The following ETFA variants were observed in gnomAD, a reference collection of about 807,000 sequenced individuals.
The protein encoded by ETFA is electron transfer flavoprotein subunit alpha, mitochondrial.
In ETFA, 22 loss-of-function variants were observed where a neutral mutation model predicts 46.2. That is an observed-to-expected ratio of 0.48 (90% CI 0.34 to 0.68). The LOEUF (loss-of-function observed/expected upper bound fraction) is 0.68. Ranked by LOEUF, ETFA falls within the 30% of genes least tolerant of loss-of-function variation. The pLI, the probability that ETFA is intolerant of heterozygous loss-of-function variation, is 0.01. For synonymous variants in ETFA, 131 were observed against 139.9 expected (o/e 0.94, Z 0.45); for missense variants, 345 against 401.1 (o/e 0.86, Z 1.19).
In ETFA at chr15:76,261,407, C is replaced by T. The variant is rs878980970; in HGVS notation, c.816+13005G>A. The T allele has an allele frequency of 1.7e-5, 22 of 1,297,818 alleles. No homozygotes were observed. The East Asian group carries it at 2.4e-4, about 14-fold the overall frequency. 80.4% of individuals were successfully genotyped at this position (1,297,818 alleles called of 1,614,324 possible). A position where few individuals can be genotyped will look rare whatever the true frequency, so the allele number is the denominator to read the frequency against. On this transcript the variant is annotated intron_variant, in intron 9 of 11. Transcript: ENST00000557943. ...TCCACTGACTTCAGGCTGAGGAAGC[C>T]GATCCAGTGCTGCTCGCTGACTGGG...
rs923204803 is a variant in ETFA at position 76,259,002 on chromosome 15, G to GCT, written c.816+15409_816+15410insAG. ...GCCTGTGAGCTAACAGCTATTGTGTGGCAGTAGCCCTTGCTGCAGCAGCAA... is the reference window on the plus strand; with the variant it reads ...GCCTGTGAGCTAACAGCTATTGTGTGCTGCAGTAGCCCTTGCTGCAGCAGCAA... On this transcript the variant is annotated intron_variant, in intron 9 of 11. Coordinates refer to ENST00000557943, the MANE Select transcript of ETFA (RefSeq NM_000126.4). The GCT allele has an allele frequency of 6.8e-5, 109 of 1,606,076 alleles. 1 individual carries two copies. The highest frequency in any genetic ancestry group is 6.6e-4 in the Middle Eastern group (4 of 6,046).
At chr15:76,237,369 T>G (rs1248864849) in intron 9 of ETFA, among the ~76,000 whole-genome samples, 1 of 152,182 alleles carries the variant, frequency 6.6e-6, no homozygotes, top group African/African-American at 2.4e-5. Context: ...TAGAAGGATT[T>G]ATAACCTCAA....
intron 10 of ETFA, chr15:76,227,865 G>A (rs767424749): frequency 1.1e-5 from 5 of 456,060 alleles, no homozygotes; most frequent in South Asian, 7.7e-5. Context: ...ATGCCAGAAT[G>A]TCTAAGATTG....
chr15:76,266,134 G>A (rs2039467928), intron 9 of ETFA, among the ~76,000 whole-genome samples: 1 of 152,234 alleles, frequency 6.6e-6, no homozygotes, highest in African/African-American at 2.4e-5. Flanking sequence ...GGCTGTTAAT[G>A]CTGTAATTCA....
chr15:76,304,558 G>T (rs938171193), intron 1 of ETFA, among the ~76,000 whole-genome samples: 5 of 151,742 alleles, frequency 3.3e-5, no homozygotes, highest in African/African-American at 1.2e-4. Flanking sequence ...CAGCTACTTG[G>T]AAGGCTGAGA....
chr15:76,228,508 T>C (rs1453003099), intron 10 of ETFA, among the ~76,000 whole-genome samples: 1 of 152,026 alleles, frequency 6.6e-6, no homozygotes, highest in South Asian at 2.1e-4. Context: ...AAAAGTTATT[T>C]TTAAAGAGAG....
At chr15:76,233,948 A>T (rs1249726401) in intron 9 of ETFA, among the ~76,000 whole-genome samples, 1 of 152,140 alleles carries the variant, frequency 6.6e-6, no homozygotes, top group African/African-American at 2.4e-5. Flanking sequence ...TCACTCTGGC[A>T]GTAAACATAA....
intron 8 of ETFA, among the ~76,000 whole-genome samples, chr15:76,280,479 C>A (rs947225438): frequency 2.6e-5 from 4 of 152,132 alleles, no homozygotes; most frequent in Non-Finnish European, 5.9e-5. Flanking sequence ...TACCCTGGTC[C>A]AAACTATGAG....
rs1194332360 is a variant in ETFA at position 76,216,310 on chromosome 15, G to A, written c.*249C>T. On this transcript the variant is annotated 3_prime_UTR_variant, in exon 12 of 12. Coordinates refer to ENST00000557943, the MANE Select transcript of ETFA (RefSeq NM_000126.4). ...TATTTCTGATAGTTTTAAAGCTGTG[G>A]AAAAGCTTTATTATAGATTTTAGTA... 1.2e-5 allele frequency: 5 copies of A among 432,514 alleles called. No individual in the cohort carries two copies. The highest frequency in any genetic ancestry group is 1.0e-4 in the African/African-American group (5 of 48,894). The allele number at this position is 432,514 out of a possible 1,614,324, so 26.8% of individuals were successfully genotyped here. A position where few individuals can be genotyped will look rare whatever the true frequency, so the allele number is the denominator to read the frequency against.
At chr15:76,233,378 G>A (rs1435682429) in intron 9 of ETFA, among the ~76,000 whole-genome samples, 2 of 126,686 alleles carry the variant, frequency 1.6e-5, no homozygotes, top group East Asian at 4.6e-4. Context: ...CACCCAGGCT[G>A]GAGTGCAATG....
At chr15:76,265,396 G>A (rs530556216) in intron 9 of ETFA, among the ~76,000 whole-genome samples, 1 of 152,316 alleles carries the variant, frequency 6.6e-6, no homozygotes, top group South Asian at 2.1e-4. Flanking sequence ...GAGAACAGGA[G>A]GCTTTGGTAG....
chr15:76,237,699 A>T (rs574215823), intron 9 of ETFA, among the ~76,000 whole-genome samples: 2 of 152,202 alleles, frequency 1.3e-5, no homozygotes, highest in South Asian at 2.1e-4. Flanking sequence ...TTCTAAAATG[A>T]TCATCAAATC....
intron 9 of ETFA, among the ~76,000 whole-genome samples, chr15:76,270,058 C>T (rs979687108): frequency 2.0e-5 from 3 of 152,142 alleles, no homozygotes; most frequent in Non-Finnish European, 4.4e-5. Context: ...GTAACATCCA[C>T]CAAAATGTCT....
chr15:76,299,400 CA>C (rs941044244), intron 1 of ETFA, among the ~76,000 whole-genome samples: 8 of 152,300 alleles, frequency 5.3e-5, no homozygotes, highest in African/African-American at 1.9e-4. Context: ...CCTCCCATCT[CA>C]GCCTCCCAAG....
At chr15:76,308,231 C>A (rs2039956416) in intron 1 of ETFA, among the ~76,000 whole-genome samples, 1 of 152,146 alleles carries the variant, frequency 6.6e-6, no homozygotes, top group African/African-American at 2.4e-5. Context: ...GTAATCATTT[C>A]TCAGGCAAAA....
chr15:76,291,581 T>A (rs1028312689), intron 4 of ETFA, among the ~76,000 whole-genome samples: 5 of 151,140 alleles, frequency 3.3e-5, no homozygotes, highest in Non-Finnish European at 5.9e-5. Context: ...AAACCCCGTC[T>A]CTACTAAAAA....
At chr15:76,237,140 C>A (rs2039133004) in intron 9 of ETFA, among the ~76,000 whole-genome samples, 1 of 152,182 alleles carries the variant, frequency 6.6e-6, no homozygotes, top group African/African-American at 2.4e-5. Flanking sequence ...GCAACCTCTG[C>A]CTCCTGGGTT....
intron 9 of ETFA, among the ~76,000 whole-genome samples, chr15:76,255,946 CT>C (rs2039341899): frequency 6.6e-6 from 1 of 151,544 alleles, no homozygotes; most frequent in Non-Finnish European, 1.5e-5. Flanking sequence ...ACCTAAGGTC[CT>C]TGATAAAGCA....
Position 76,295,936 on chromosome 15 carries a change from C to CTTTTTTTTTTTTTTTTTTTTTTTTTT in ETFA, c.40-200_40-199insAAAAAAAAAAAAAAAAAAAAAAAAAA, listed in dbSNP as rs1157687784. ...TGTCTATCACTGTACCACTAATATT[C>CTTTTTTTTTTTTTTTTTTTTTTTTTT]TTTTTTTTTTTTTTTTTTTTTTTGA... On this transcript the variant is annotated intron_variant, in intron 1 of 11. Coordinates refer to ENST00000557943, the MANE Select transcript of ETFA (RefSeq NM_000126.4). 7.0e-3 allele frequency among the ~76,000 whole-genome samples: 324 copies of CTTTTTTTTTTTTTTTTTTTTTTTTTT among 46,598 alleles called. 96 individuals carry two copies. The highest frequency in any genetic ancestry group is 0.011 in the Non-Finnish European group (250 of 23,544). The allele number at this position is 46,598 out of a possible 152,430, so 30.6% of individuals were successfully genotyped here.
Sources: allele counts gnomAD v4.1 joint callset (sites outside exome capture counted in the v4.1 genomes callset), GRCh38; gene constraint gnomAD v4.1.1; transcripts MANE v1.5; gene names NCBI Gene and HGNC (gene_info 2026-07-23, HGNC 2026-07-21).